Variants in ABCB5 observed in about 807,000 individuals in gnomAD.
The protein encoded by ABCB5 is ATP binding cassette subfamily B member 5.
A neutral mutation model predicts 144.2 loss-of-function variants in ABCB5; 155 were observed. The ratio of observed to expected loss-of-function variants is 1.08; its 90% CI spans 0.94 to 1.23. The LOEUF is 1.23. Ranked by LOEUF, ABCB5 falls within the 50% of genes most tolerant of loss-of-function variation. ABCB5 has a pLI of 0.00. For synonymous variants in ABCB5, 610 were observed against 528.6 expected, an observed-to-expected ratio of 1.15 and a Z score of -2.11; for missense variants, 1,830 against 1,520.8, an observed-to-expected ratio of 1.20 and a Z score of -3.38.
chr7:20,616,586 C>T (rs1449336822), intron 1 of ABCB5, among the ~76,000 whole-genome samples: 2 of 152,110 alleles, frequency 1.3e-5, no homozygotes, highest in African/African-American at 4.8e-5. Context: ...ATAGTACTTG[C>T]CATGATAGCA....
chr7:20,657,710 C>A (rs959377249), intron 13 of ABCB5, among the ~76,000 whole-genome samples: 7 of 152,190 alleles, frequency 4.6e-5, no homozygotes, highest in Non-Finnish European at 8.8e-5. Context: ...CATGGGTGTA[C>A]TCATTTGTCA....
intron 16 of ABCB5, among the ~76,000 whole-genome samples, chr7:20,688,775 A>G (rs1378366180): frequency 6.6e-6 from 1 of 152,214 alleles, no homozygotes; most frequent in Non-Finnish European, 1.5e-5. Context: ...TACACCATGG[A>G]ATACTAGGCA....
chr7:20,692,776 A>G (rs980012207), intron 16 of ABCB5, among the ~76,000 whole-genome samples: 4 of 152,124 alleles, frequency 2.6e-5, no homozygotes, highest in African/African-American at 9.7e-5. Context: ...GGTATATAAC[A>G]TTGTCTGAAG....
intron 5 of ABCB5, among the ~76,000 whole-genome samples, chr7:20,633,465 T>C (rs1784083198): frequency 6.6e-6 from 1 of 152,136 alleles, no homozygotes; most frequent in Non-Finnish European, 1.5e-5. Flanking sequence ...CCTTAATTCT[T>C]TTTTTAATTA....
At chr7:20,743,149 T>A in intron 25 of ABCB5, 75 bp downstream of exon 25, 1 of 1,500,662 alleles carries the variant, frequency 6.7e-7, no homozygotes, top group Non-Finnish European at 9.1e-7. Flanking sequence ...GGCTTAAGCA[T>A]CCCCACTGGT....
intron 14 of ABCB5, among the ~76,000 whole-genome samples, chr7:20,677,512 T>C (rs980972977): frequency 2.0e-5 from 3 of 152,166 alleles, no homozygotes; most frequent in African/African-American, 7.2e-5. Context: ...GTGGATCACC[T>C]GAGGTCAGGA....
At chr7:20,731,917 T>C (rs905513862) in intron 23 of ABCB5, among the ~76,000 whole-genome samples, 1 of 152,184 alleles carries the variant, frequency 6.6e-6, no homozygotes, top group Non-Finnish European at 1.5e-5. Context: ...CTTGCTTCCC[T>C]ATAATCCATT....
rs771965390 is a variant in ABCB5 at position 20,755,607 on chromosome 7, GCA to G, written c.3760_3761del (p.Gln1254ValfsTer9). ...AGACATATATTTTAAGTTAGTGAAT[GCA>G]CAGTCAGTGCAGTGATGCTGTTGAG... ...NRDIYFKLVNAQSVQ is the reference protein window; with the variant it reads ...NRDIYFKLVNXQSVQ On this transcript the variant is annotated frameshift_variant, in exon 28 of 28. Coordinates refer to ENST00000404938, the MANE Select transcript of ABCB5 (RefSeq NM_001163941.2). LOFTEE classifies it high-confidence loss of function. The G allele has an allele frequency of 4.6e-5, 75 of 1,614,004 alleles. 2 individuals carry two copies. The Admixed American group carries it at 9.3e-4, about 20-fold the overall frequency.
chr7:20,700,001 T>C, intron 18 of ABCB5, 57 bp from the exon 19 acceptor site: 2 of 1,601,140 alleles, frequency 1.2e-6, no homozygotes, highest in Non-Finnish European at 1.7e-6. Flanking sequence ...GTTAAAAATA[T>C]ATCAACTAAA....
chr7:20,667,249 A>T (rs943753489), intron 14 of ABCB5: 10 of 977,474 alleles, frequency 1.0e-5, no homozygotes, highest in Middle Eastern at 5.2e-4. Flanking sequence ...TTAGGCCAGG[A>T]GCCTGGCAAA....
chr7:20,728,310 T>C lies in ABCB5; in HGVS notation c.2727-5T>C, dbSNP rs975960623. 1.9e-6 allele frequency: 3 copies of C among 1,613,610 alleles called. No homozygotes were observed. The highest frequency in any genetic ancestry group is 2.7e-5 in the African/African-American group (2 of 74,924). On this transcript the variant is annotated splice_region_variant and splice_polypyrimidine_tract_variant and intron_variant, in intron 22 of 27. Coordinates refer to ENST00000404938, the MANE Select transcript of ABCB5 (RefSeq NM_001163941.2). Reference sequence around the variant, plus strand: ...TCATTATTTGGTAAATTTTGTACATTCCAGAAATACCTCGAAGAAAGCACA... The same window carrying C: ...TCATTATTTGGTAAATTTTGTACATCCCAGAAATACCTCGAAGAAAGCACA...
intron 5 of ABCB5, among the ~76,000 whole-genome samples, chr7:20,640,833 C>T (rs1252808307): frequency 1.3e-5 from 2 of 152,146 alleles, no homozygotes; most frequent in Non-Finnish European, 2.9e-5. Context: ...TCCCGTGTTG[C>T]TTGGTACTTC....
chr7:20,685,968 C>A, intron 16 of ABCB5, 132 bp downstream of exon 16: 1 of 963,318 alleles, frequency 1.0e-6, no homozygotes, highest in African/African-American at 1.7e-5. Flanking sequence ...ATGTCTTTCC[C>A]AAATTTCACT....
rs549691961 is a variant in ABCB5 at position 20,661,824 on chromosome 7, C to T, written c.1707+3148C>T. Among the ~76,000 whole-genome samples the T allele has an allele frequency of 5.3e-5, 8 of 152,224 alleles. No homozygotes were observed. In the South Asian group the frequency reaches 1.0e-3, roughly 20 times the overall value. ...CTGGGATTACAGGGGTGAGCCACCG[C>T]GCCCAGCGAGACCTGAAATGTTCTT... On this transcript the variant is annotated intron_variant, in intron 14 of 27. Coordinates refer to ENST00000404938, the MANE Select transcript of ABCB5 (RefSeq NM_001163941.2).
intron 14 of ABCB5, among the ~76,000 whole-genome samples, chr7:20,669,100 G>T (rs1203747775): frequency 6.6e-6 from 1 of 150,960 alleles, no homozygotes; most frequent in Non-Finnish European, 1.5e-5. Context: ...CGGGAGGATG[G>T]TGGGGGGGGT....
At chr7:20,679,227 G>A (rs375408955) in intron 14 of ABCB5, among the ~76,000 whole-genome samples, 6 of 152,032 alleles carry the variant, frequency 3.9e-5, no homozygotes, top group African/African-American at 1.4e-4. Flanking sequence ...CAGCACTTTG[G>A]GATGCTGAGG....
intron 1 of ABCB5, among the ~76,000 whole-genome samples, 162 bp from the exon 2 acceptor site, chr7:20,623,103 C>T (rs1430650836): frequency 2.0e-5 from 3 of 152,098 alleles, no homozygotes; most frequent in Non-Finnish European, 2.9e-5. Flanking sequence ...CTATGAACTG[C>T]CTAGCCAGAA....
At chr7:20,703,762 G>C (rs960637786) in intron 19 of ABCB5, among the ~76,000 whole-genome samples, 1 of 152,204 alleles carries the variant, frequency 6.6e-6, no homozygotes, top group Non-Finnish European at 1.5e-5. Context: ...CTCAGGCTGA[G>C]AAGCACTAAG....
intron 26 of ABCB5, among the ~76,000 whole-genome samples, chr7:20,750,490 G>A (rs1467410352): frequency 1.3e-5 from 2 of 151,772 alleles, no homozygotes; most frequent in Non-Finnish European, 2.9e-5. Context: ...ATGATGTGAG[G>A]ATATAATATA....
Sources: gnomAD v4.1 joint callset for allele counts (sites outside exome capture counted in the v4.1 genomes callset) on GRCh38, gnomAD v4.1.1 for gene constraint, MANE v1.5 for transcripts, NCBI Gene and HGNC (gene_info 2026-07-23, HGNC 2026-07-21) for gene names.